Variants in SEPTIN7 observed in about 807,000 individuals in gnomAD.
The protein encoded by SEPTIN7 is septin 7.
A neutral mutation model predicts 63.3 loss-of-function variants in SEPTIN7; 10 were observed. The observed-to-expected ratio is 0.16, with a 90% confidence interval of 0.10 to 0.27. SEPTIN7 has a LOEUF of 0.27. SEPTIN7 is among the 10% of genes least tolerant of loss of function. The probability of loss-of-function intolerance (pLI) is 1.00; values close to 1 mark genes in which losing one functional copy is unlikely to be tolerated. For synonymous variants in SEPTIN7, 131 were observed against 165.3 expected (o/e 0.79, Z 1.59); for missense variants, 310 against 521.0 (o/e 0.59, Z 3.94).
At chr7:35,897,424 T>G (rs1788019594) in intron 11 of SEPTIN7, among the ~76,000 whole-genome samples, 2 of 152,190 alleles carry the variant, frequency 1.3e-5, no homozygotes, top group African/African-American at 4.8e-5. Flanking sequence ...AAAGCCCACC[T>G]GTAAATATAT....
intron 9 of SEPTIN7, among the ~76,000 whole-genome samples, chr7:35,884,310 C>T (rs1787088813): frequency 6.6e-6 from 1 of 152,120 alleles, no homozygotes; most frequent in African/African-American, 2.4e-5. Flanking sequence ...AAAGGAAGCG[C>T]TCACTGGAGC....
intron 1 of SEPTIN7, among the ~76,000 whole-genome samples, chr7:35,827,918 T>TTTGTACAGAGTTTC (rs1783601746): frequency 6.6e-6 from 1 of 152,166 alleles, no homozygotes; most frequent in South Asian, 2.1e-4. Context: ...ATGTTTTATC[T>TTTGTACAGAGTTTC]TTGTACAGAG....
At chr7:35,854,751 A>G (rs920687703) in intron 3 of SEPTIN7, among the ~76,000 whole-genome samples, 9 of 152,154 alleles carry the variant, frequency 5.9e-5, no homozygotes, top group African/African-American at 2.2e-4. Flanking sequence ...TCTTTGTAGT[A>G]TAACATATTA....
intron 10 of SEPTIN7, among the ~76,000 whole-genome samples, chr7:35,889,876 G>A (rs1166736481): frequency 1.3e-5 from 2 of 152,072 alleles, no homozygotes; most frequent in African/African-American, 4.8e-5. Context: ...CTCCCAGAAG[G>A]GAGTTTTAGT....
At chr7:35,847,539 AT>A (rs1039419205) in intron 3 of SEPTIN7, 3 of 143,906 alleles carry the variant, frequency 2.1e-5, no homozygotes, top group African/African-American at 7.8e-5. Flanking sequence ...TTGATTATTT[AT>A]TTGAAATTTT....
At chr7:35,802,934 C>T (rs1388303319) in intron 1 of SEPTIN7, among the ~76,000 whole-genome samples, 1 of 152,114 alleles carries the variant, frequency 6.6e-6, no homozygotes, top group Non-Finnish European at 1.5e-5. Flanking sequence ...GTGGAAGCTA[C>T]ATAGGTGATT....
At chr7:35,853,751 T>A (rs1435932268) in intron 3 of SEPTIN7, among the ~76,000 whole-genome samples, 1 of 152,228 alleles carries the variant, frequency 6.6e-6, no homozygotes, top group African/African-American at 2.4e-5. Context: ...AAGATACTGG[T>A]AAAATATCCC....
intron 10 of SEPTIN7, among the ~76,000 whole-genome samples, chr7:35,888,611 G>A (rs1249159947): frequency 1.3e-5 from 2 of 151,998 alleles, no homozygotes; most frequent in African/African-American, 4.8e-5. Flanking sequence ...CTTGAGCTCA[G>A]GAGTTCAAGA....
intron 3 of SEPTIN7, among the ~76,000 whole-genome samples, chr7:35,854,721 CTT>C (rs1785117734): frequency 6.6e-6 from 1 of 152,158 alleles, no homozygotes; most frequent in African/African-American, 2.4e-5. Context: ...CAGGTAGCCT[CTT>C]CTCAGGCATT....
At chr7:35,807,419 T>C (rs1788419833) in intron 1 of SEPTIN7, among the ~76,000 whole-genome samples, 1 of 135,526 alleles carries the variant, frequency 7.4e-6, no homozygotes, top group Admixed American at 8.1e-5. Context: ...TGGAGTGCAG[T>C]GGCGCGATCT....
At chr7:35,893,497 CGT>C (rs1329427312) in intron 11 of SEPTIN7, among the ~76,000 whole-genome samples, 2 of 152,178 alleles carry the variant, frequency 1.3e-5, no homozygotes, top group East Asian at 3.9e-4. Flanking sequence ...CCCATAATAT[CGT>C]GTGTCTATAC....
chr7:35,808,622 T>C (rs1788502471), intron 1 of SEPTIN7, among the ~76,000 whole-genome samples: 1 of 152,206 alleles, frequency 6.6e-6, no homozygotes, highest in African/African-American at 2.4e-5. Flanking sequence ...CCTTAAATGC[T>C]ACTTCCTTTG....
At chr7:35,902,045 G>T (rs1053797526) in intron 12 of SEPTIN7, 2 of 149,494 alleles carry the variant, frequency 1.3e-5, no homozygotes, top group African/African-American at 2.4e-5. Context: ...TATATAATAT[G>T]TATATAATAT....
chr7:35,901,822 A>G (rs1024407265), intron 12 of SEPTIN7: 1 of 152,084 alleles, frequency 6.6e-6, no homozygotes, highest in Non-Finnish European at 1.5e-5. Context: ...AAAAATAACT[A>G]GAGACATTTT....
At chr7:35,821,971 A>G (rs941750696) in intron 1 of SEPTIN7, among the ~76,000 whole-genome samples, 2 of 152,228 alleles carry the variant, frequency 1.3e-5, no homozygotes, top group African/African-American at 4.8e-5. Context: ...GGGTTTCACT[A>G]TGTTGGCAAG....
chr7:35,881,084 A>G lies in SEPTIN7; in HGVS notation c.630+1144A>G, dbSNP rs569530052. ...TTGTTTTTCACCTTTTTCAATATGA[A>G]TTTCAGAATACCTTGAAACCTGTTA... On this transcript the variant is annotated intron_variant, in intron 7 of 13. Transcript: ENST00000350320. 3.4e-4 allele frequency among the ~76,000 whole-genome samples: 52 copies of G among 152,028 alleles called. No individual in the cohort carries two copies. The South Asian group carries it at 0.01, about 30-fold the overall frequency.
At chr7:35,832,431 A>G (rs1783876568) in intron 2 of SEPTIN7, among the ~76,000 whole-genome samples, 1 of 152,072 alleles carries the variant, frequency 6.6e-6, no homozygotes, top group African/African-American at 2.4e-5. Context: ...TCTTAATATG[A>G]TATGAAGGGG....
chr7:35,910,952 G>A (rs1788730580), downstream of SEPTIN7, among the ~76,000 whole-genome samples: 2 of 152,168 alleles, frequency 1.3e-5, no homozygotes, highest in South Asian at 2.1e-4. Context: ...ACCAGCAGTC[G>A]ATTTGGATAC....
chr7:35,804,123 T>G (rs910201484), intron 1 of SEPTIN7, among the ~76,000 whole-genome samples: 3 of 152,204 alleles, frequency 2.0e-5, no homozygotes, highest in Non-Finnish European at 4.4e-5. Context: ...TAAAGACTGT[T>G]AAGTCCGTGT....
Sources: allele counts gnomAD v4.1 joint callset (sites outside exome capture counted in the v4.1 genomes callset), GRCh38; gene constraint gnomAD v4.1.1; transcripts MANE v1.5; gene names NCBI Gene and HGNC (gene_info 2026-07-23, HGNC 2026-07-21).